The following KIAA1958 variants were observed in gnomAD, a reference collection of about 807,000 sequenced individuals.
The protein encoded by KIAA1958 is uncharacterized protein KIAA1958.
In KIAA1958, 14 loss-of-function variants were observed where a neutral mutation model predicts 47.2. The observed-to-expected ratio is 0.30, with a 90% CI of 0.20 to 0.46. KIAA1958 has a LOEUF of 0.46. Among genes scored for constraint, KIAA1958 ranks in the 20% least tolerant of loss-of-function variants. The pLI is 1.00. For synonymous variants in KIAA1958, 354 were observed against 353.3 expected (o/e 1.00, Z -0.02); for missense variants, 803 against 909.2 (o/e 0.88, Z 1.50).
intron 2 of KIAA1958, among the ~76,000 whole-genome samples, chr9:112,629,580 C>G (rs1318225663): frequency 6.6e-6 from 1 of 152,162 alleles, no homozygotes; most frequent in East Asian, 1.9e-4. Context: ...AGAGTACTCT[C>G]ATCTTTATTT....
chr9:112,525,603 A>G (rs896804311), intron 1 of KIAA1958, among the ~76,000 whole-genome samples: 1 of 152,162 alleles, frequency 6.6e-6, no homozygotes, highest in Non-Finnish European at 1.5e-5. Flanking sequence ...TATTGCTGCA[A>G]TTATTCATAT....
In KIAA1958 at chr9:112,661,830, G is replaced by A. The variant is rs1475896592; in HGVS notation, c.*1761G>A. The A allele has an allele frequency of 6.6e-6, 1 of 152,192 alleles. No homozygotes were observed. The allele number at this position is 152,192 out of a possible 1,614,324, so 9.4% of individuals were successfully genotyped here. A position where few individuals can be genotyped will look rare whatever the true frequency, so the allele number is the denominator to read the frequency against. ...ACATAACGTTCTGGTGTGGTTTCCT[G>A]TAGTGATCTTAGGGTTTTGATTTAA... is the stretch of plus-strand genomic sequence containing the variant. On this transcript the variant is annotated 3_prime_UTR_variant, in exon 4 of 4. Transcript: ENST00000337530.
In KIAA1958 at chr9:112,662,073, T is replaced by C. The variant is rs2131257292; in HGVS notation, c.*2004T>C. The C allele has an allele frequency of 6.6e-6, 1 of 152,312 alleles. No homozygotes were observed. Among genetic ancestry groups the C allele is most frequent in the African/African-American group, 2.4e-5 (1 of 41,558 alleles). 9.4% of individuals were successfully genotyped at this position (152,312 alleles called of 1,614,324 possible). A position where few individuals can be genotyped will look rare whatever the true frequency, so the allele number is the denominator to read the frequency against. ...CTGGGATCTTTTCGGATTTTGACCT[T>C]TTCAAAGGTAGCAATAACTACTCCA... On this transcript the variant is annotated 3_prime_UTR_variant, in exon 4 of 4. Transcript: ENST00000337530.
intron 1 of KIAA1958, among the ~76,000 whole-genome samples, chr9:112,540,298 T>C (rs1298476846): frequency 6.6e-6 from 1 of 152,176 alleles, no homozygotes; most frequent in Non-Finnish European, 1.5e-5. Flanking sequence ...TAGAAAGCCA[T>C]GATGTGTCGT....
chr9:112,590,233 G>T (rs1242188004), intron 2 of KIAA1958, among the ~76,000 whole-genome samples: 1 of 152,138 alleles, frequency 6.6e-6, no homozygotes, highest in Non-Finnish European at 1.5e-5. Flanking sequence ...GCAGTTCAAG[G>T]CTACAGTTTC....
intron 2 of KIAA1958, among the ~76,000 whole-genome samples, chr9:112,623,509 A>G (rs920280188): frequency 1.2e-4 from 19 of 152,204 alleles, no homozygotes; most frequent in African/African-American, 4.6e-4. Context: ...TAAATTATAA[A>G]TGAAATCCCA....
chr9:112,506,578 G>C (rs1342859648), intron 1 of KIAA1958, among the ~76,000 whole-genome samples: 1 of 152,192 alleles, frequency 6.6e-6, no homozygotes, highest in African/African-American at 2.4e-5. Context: ...GACTACCTGG[G>C]TACTTGGGGG....
intron 1 of KIAA1958, among the ~76,000 whole-genome samples, chr9:112,520,332 ATGAAAT>A (rs1197827664): frequency 6.6e-6 from 1 of 152,254 alleles, no homozygotes; most frequent in Non-Finnish European, 1.5e-5. Context: ...TAGAGGCCAA[ATGAAAT>A]TGATATATTG....
At chr9:112,517,589 A>G (rs1834459740) in intron 1 of KIAA1958, among the ~76,000 whole-genome samples, 1 of 152,238 alleles carries the variant, frequency 6.6e-6, no homozygotes, top group Non-Finnish European at 1.5e-5. Flanking sequence ...AAATTTGATC[A>G]ATTGGACTTT....
chr9:112,524,854 T>G (rs751426844), intron 1 of KIAA1958, among the ~76,000 whole-genome samples: 7 of 152,238 alleles, frequency 4.6e-5, no homozygotes, highest in Non-Finnish European at 1.0e-4. Flanking sequence ...AGCGCCCTGA[T>G]GCTTCCAAAG....
chr9:112,562,195 C>A (rs927429152), intron 1 of KIAA1958, among the ~76,000 whole-genome samples: 3 of 152,058 alleles, frequency 2.0e-5, no homozygotes, highest in South Asian at 4.2e-4. Flanking sequence ...GGGGGAAAGC[C>A]CCTAATTTCA....
At chr9:112,595,164 T>C (rs1380829758) in intron 2 of KIAA1958, among the ~76,000 whole-genome samples, 2 of 152,314 alleles carry the variant, frequency 1.3e-5, no homozygotes, top group East Asian at 3.9e-4. Flanking sequence ...CAGAATTTTA[T>C]TAATTTCCAT....
intron 1 of KIAA1958, among the ~76,000 whole-genome samples, chr9:112,550,303 G>A (rs1835119904): frequency 6.6e-6 from 1 of 152,184 alleles, no homozygotes; most frequent in African/African-American, 2.4e-5. Context: ...CTGAACTCTG[G>A]GTTACCCATC....
intron 1 of KIAA1958, among the ~76,000 whole-genome samples, chr9:112,496,732 T>C (rs924641325): frequency 6.6e-6 from 1 of 152,192 alleles, no homozygotes; most frequent in Non-Finnish European, 1.5e-5. Context: ...TAGGTTCTTG[T>C]GGTCTCGCGT....
At chr9:112,617,201 C>A (rs370420153) in intron 2 of KIAA1958, among the ~76,000 whole-genome samples, 6 of 152,174 alleles carry the variant, frequency 3.9e-5, no homozygotes, top group African/African-American at 1.4e-4. Context: ...TGTAACTGTC[C>A]TGTCTTTATA....
At chr9:112,546,656 A>G (rs529764090) in intron 1 of KIAA1958, among the ~76,000 whole-genome samples, 12 of 152,152 alleles carry the variant, frequency 7.9e-5, no homozygotes, top group African/African-American at 2.9e-4. Flanking sequence ...TTTGCCCTGT[A>G]GAAAGGAATA....
At chr9:112,506,121 G>C (rs987561109) in intron 1 of KIAA1958, among the ~76,000 whole-genome samples, 6 of 152,120 alleles carry the variant, frequency 3.9e-5, no homozygotes, top group Admixed American at 3.9e-4. Flanking sequence ...CTGAAGTATG[G>C]AGAAAAATGA....
chr9:112,626,900 G>A (rs1402824656), intron 2 of KIAA1958, among the ~76,000 whole-genome samples: 5 of 151,216 alleles, frequency 3.3e-5, no homozygotes, highest in Admixed American at 6.6e-5. Context: ...TTGAGATTTT[G>A]CATGTTGTTA....
At chr9:112,658,766 T>C (rs934590008) in intron 3 of KIAA1958, among the ~76,000 whole-genome samples, 7 of 151,740 alleles carry the variant, frequency 4.6e-5, no homozygotes, top group Admixed American at 3.9e-4. Flanking sequence ...GAGACCATCC[T>C]GGCTAACACT....
Sources: allele counts gnomAD v4.1 joint callset (sites outside exome capture counted in the v4.1 genomes callset), GRCh38; gene constraint gnomAD v4.1.1; transcripts MANE v1.5; gene names NCBI Gene and HGNC (gene_info 2026-07-23, HGNC 2026-07-21).